Variants in ROCK2 observed in about 807,000 individuals in gnomAD.
The protein encoded by ROCK2 is rho-associated protein kinase 2.
A neutral mutation model predicts 195.1 loss-of-function variants in ROCK2; 61 were observed. The ratio of observed to expected loss-of-function variants is 0.31; its 90% confidence interval spans 0.25 to 0.39. The LOEUF (loss-of-function observed/expected upper bound fraction) is 0.39, where lower values mean the gene tolerates loss of function less well. ROCK2 is among the 10% of genes least tolerant of loss of function. The pLI, the probability that ROCK2 is intolerant of heterozygous loss-of-function variation, is 1.00. For missense variants in ROCK2, 1,109 were observed against 1,637.4 expected (o/e 0.68, Z 5.57); for synonymous variants, 504 against 545.5 (o/e 0.92, Z 1.06).
Position 11,344,085 on chromosome 2 carries a change from G to C in ROCK2, c.52C>G (p.Pro18Ala). 1.9e-6 allele frequency: 3 copies of C among 1,542,092 alleles called. No homozygotes were observed. The highest frequency in any genetic ancestry group is 2.6e-6 in the Non-Finnish European group (3 of 1,149,964). Residue 18 changes from proline to alanine, a missense_variant, in exon 1 of 33, where the codon CCG (proline) becomes GCG (alanine). This residue lies in a region of ROCK2 where 64 missense variants were observed against 62.4 expected (regional missense o/e 1.03). Transcript: ENST00000315872. This position sits in a 1 kb window ranked among gnomAD's most constrained non-coding sequence, Gnocchi z 5.4. ...CGGCTCGCGCCTGCCCCGTCCCCCG[G>C]CGCGGTCTCGGGGGCGCCGGGCATT... Reference protein sequence around the residue: ...GKMPGAPETAPGDGAGASRQR... With the variant: ...GKMPGAPETAAGDGAGASRQR...
In ROCK2 at chr2:11,181,585, G is replaced by A. The variant is rs1386217530; in HGVS notation, c.*1852C>T. ...TAAATATCTCTAACTGACATCAGAG[G>A]GAATCAATGAAAAATGTCTATTTCC... is the stretch of plus-strand genomic sequence containing the variant. On this transcript the variant is annotated 3_prime_UTR_variant, in exon 33 of 33. Transcript: ENST00000315872. The A allele has an allele frequency of 6.6e-6, 1 of 151,176 alleles. No homozygotes were observed. Among genetic ancestry groups the A allele is most frequent in the African/African-American group, 2.4e-5 (1 of 41,164 alleles). The allele number at this position is 151,176 out of a possible 1,614,324, so 9.4% of individuals were successfully genotyped here.
Position 11,221,321 on chromosome 2 carries a change from A to G in ROCK2, c.1136T>C (p.Ile379Thr). ...APVVPELSSDIDSSNFDDIED... is the reference protein window; with the variant it reads ...APVVPELSSDTDSSNFDDIED... The stretch of plus-strand genomic sequence containing the variant: ...AATGTCATCGAAATTGCTGCTGTCT[A>G]TGTCACTGCTGAGTTCAGGTACTAC... The change falls in exon 9 of 33, where the codon ATA (isoleucine) becomes ACA (threonine). Residue 379 changes from isoleucine (I) to threonine (T), a missense_variant. By Grantham distance (89) the Ile-to-Thr change is moderately conservative. Around this residue, in one of 6 missense-constraint regions of ROCK2, gnomAD observed 253 missense variants for 455.5 expected, o/e 0.56. Coordinates refer to ENST00000315872, the MANE Select transcript of ROCK2 (RefSeq NM_004850.5). 6.3e-7 allele frequency: 1 copy of G among 1,589,094 alleles called. No homozygotes were observed.
intron 1 of ROCK2, among the ~76,000 whole-genome samples, chr2:11,307,069 C>T (rs1667880467): frequency 6.6e-6 from 1 of 152,108 alleles, no homozygotes; most frequent in Middle Eastern, 3.4e-3. Context: ...GAAAAACTAC[C>T]GAGGCTATAA....
intron 1 of ROCK2, among the ~76,000 whole-genome samples, chr2:11,339,920 T>C (rs567094734): frequency 1.3e-5 from 2 of 152,328 alleles, no homozygotes; most frequent in African/African-American, 4.8e-5. Flanking sequence ...GGTGATTTCA[T>C]GAATATGTTT....
chr2:11,265,043 G>A (rs370321368), intron 3 of ROCK2, among the ~76,000 whole-genome samples: 9 of 152,030 alleles, frequency 5.9e-5, no homozygotes, highest in Non-Finnish European at 7.4e-5. Flanking sequence ...TCCTAACTAC[G>A]TGAGTTTAAT....
intron 3 of ROCK2, among the ~76,000 whole-genome samples, chr2:11,274,966 A>G (rs1666771840): frequency 6.6e-6 from 1 of 152,164 alleles, no homozygotes; most frequent in South Asian, 2.1e-4. Context: ...ATTAAGAATA[A>G]TAAGAACAGG....
chr2:11,204,611 C>A (rs185120429), intron 20 of ROCK2, among the ~76,000 whole-genome samples: 17 of 152,276 alleles, frequency 1.1e-4, no homozygotes, highest in Non-Finnish European at 2.5e-4. Context: ...GTCTTTCAAA[C>A]CTTCCATGAC....
chr2:11,257,003 A>C (rs1666059747), intron 3 of ROCK2, among the ~76,000 whole-genome samples: 1 of 151,552 alleles, frequency 6.6e-6, no homozygotes, highest in Non-Finnish European at 1.5e-5. Flanking sequence ...AGTATTTGAT[A>C]GAACAAGCAA....
Position 11,235,815 on chromosome 2 carries a change from C to T in ROCK2, c.610G>A (p.Ala204Thr). ...YTAEVVLALDAIHSMGLIHRD... is the reference protein window; with the variant it reads ...YTAEVVLALDTIHSMGLIHRD... The stretch of plus-strand genomic sequence containing the variant: ...TGTATTAAACCCATGGAGTGTATTG[C>T]ATCCAGAGCAAGAACAACTTCAGCA... The change falls in exon 5 of 33, where the codon GCA (alanine) becomes ACA (threonine). Residue 204 changes from alanine to threonine, a missense_variant. By Grantham distance (58) the Ala-to-Thr change is moderately conservative. Around this residue, in one of 6 missense-constraint regions of ROCK2, gnomAD observed 253 missense variants for 455.5 expected, o/e 0.56. Coordinates refer to ENST00000315872, the MANE Select transcript of ROCK2 (RefSeq NM_004850.5). This position sits in a 1 kb window ranked among gnomAD's most constrained non-coding sequence, Gnocchi z 4.2. 3 of 1,613,964 alleles carry T rather than the reference C, an allele frequency of 1.9e-6. No individual in the cohort carries two copies. In the African/African-American group the frequency reaches 4.0e-5, roughly 22 times the overall value.
chr2:11,277,773 T>C (rs1335749515), intron 3 of ROCK2, among the ~76,000 whole-genome samples: 1 of 152,190 alleles, frequency 6.6e-6, no homozygotes, highest in African/African-American at 2.4e-5. Flanking sequence ...CAATTGTGAA[T>C]GGTGCTGCTA....
intron 17 of ROCK2, 76 bp from the exon 18 acceptor site, chr2:11,211,916 T>C (rs1664262323): frequency 2.4e-6 from 3 of 1,253,138 alleles, no homozygotes; most frequent in Admixed American, 5.6e-5. Flanking sequence ...TAATTTTTTT[T>C]TTTTTTTGAG....
In ROCK2 at chr2:11,192,458, AG is replaced by A; in HGVS notation, c.3941del (p.Pro1314LeufsTer17). ...AAGTAATTTATCATTTACCTTTGCA[AG>A]GTGCTATAATCTCCTCCTTTTTGTC... Reference protein sequence around the residue: ...HMDKKEEIIAPCKVYYDISTA... With the variant: ...HMDKKEEIIAXCKVYYDISTA... On this transcript the variant is annotated frameshift_variant, in exon 31 of 33. Transcript: ENST00000315872. LOFTEE classifies it high-confidence loss of function. The surrounding 1 kb of genome is among the most constrained non-coding windows in gnomAD (Gnocchi z 5.0). 1 of 1,613,884 alleles carries A rather than the reference AG, an allele frequency of 6.2e-7. No individual in the cohort carries two copies. The highest frequency in any genetic ancestry group is 8.5e-7 in the Non-Finnish European group (1 of 1,179,838).
At chr2:11,304,764 C>A (rs1452023690) in intron 1 of ROCK2, among the ~76,000 whole-genome samples, 1 of 152,182 alleles carries the variant, frequency 6.6e-6, no homozygotes, top group Non-Finnish European at 1.5e-5. Context: ...TTCTGCCACA[C>A]TGGCCTTCTA....
rs201784503 is a variant in ROCK2, at chr2:11,198,594, T to C, written c.3005-9A>G. 22 of 1,609,562 alleles carry C rather than the reference T, an allele frequency of 1.4e-5. No homozygotes were observed. The Admixed American group carries it at 1.5e-4, about 11-fold the overall frequency. On this transcript the variant is annotated splice_polypyrimidine_tract_variant and intron_variant, in intron 24 of 32. Transcript: ENST00000315872. ...TTTCAATCTTGACAGTTCTGAAACA[T>C]GGAAAAAAGTTAAAATTACATTGGT...
At chr2:11,240,596 T>C (rs1665387378) in intron 4 of ROCK2, among the ~76,000 whole-genome samples, 2 of 152,186 alleles carry the variant, frequency 1.3e-5, no homozygotes, top group Admixed American at 1.3e-4. Context: ...ACATTAATGG[T>C]TGCCTGGGGC....
chr2:11,293,309 A>G (rs1667417500), intron 1 of ROCK2, among the ~76,000 whole-genome samples: 1 of 152,238 alleles, frequency 6.6e-6, no homozygotes, highest in Admixed American at 6.5e-5. Flanking sequence ...AAAACTTAAT[A>G]GAGGAAAAGA....
rs1667111387 is a variant in ROCK2 at position 11,284,294 on chromosome 2, A to C, written c.324+2245T>G. Among the ~76,000 whole-genome samples the C allele has an allele frequency of 3.3e-5, 5 of 152,206 alleles. No homozygotes were observed. The South Asian group carries it at 1.0e-3, about 31-fold the overall frequency. On this transcript the variant is annotated intron_variant, in intron 3 of 32. Coordinates refer to ENST00000315872, the MANE Select transcript of ROCK2 (RefSeq NM_004850.5). The stretch of plus-strand genomic sequence containing the variant: ...ACAGAGGATTTTTGGGGCAATGAAA[A>C]TACTATGTATAATAGTATAACGATG...
rs187292364 is a variant in ROCK2 at position 11,299,517 on chromosome 2, G to A, written c.142-11781C>T. 2.0e-3 allele frequency among the ~76,000 whole-genome samples: 299 copies of A among 152,000 alleles called. No individual in the cohort carries two copies. In the Middle Eastern group the frequency reaches 0.027, roughly 14 times the overall value. ...TACTATGTGCAAAAGAAAGTCACTC[G>A]CTCATTCAATTCTCGTAAAAGTTCC... is the stretch of plus-strand genomic sequence containing the variant. On this transcript the variant is annotated intron_variant, in intron 1 of 32. Coordinates refer to ENST00000315872, the MANE Select transcript of ROCK2 (RefSeq NM_004850.5).
At chr2:11,263,674 A>ACACACACAC (rs371194236) in intron 3 of ROCK2, among the ~76,000 whole-genome samples, 3 of 144,200 alleles carry the variant, frequency 2.1e-5, no homozygotes, top group East Asian at 2.1e-4. Flanking sequence ...CACACACACA[A>ACACACACAC]AAAAAAACAA....
Sources: gnomAD v4.1 joint callset for allele counts (sites outside exome capture counted in the v4.1 genomes callset) on GRCh38, gnomAD v4.1.1 for gene constraint, gnomAD v4.1.1 regional missense constraint, Gnocchi (gnomAD v3.1) non-coding constraint, MANE v1.5 for transcripts, NCBI Gene and HGNC (gene_info 2026-07-23, HGNC 2026-07-21) for gene names.